THEMIS: variants seen among roughly 807,000 people sequenced by gnomAD.
The protein encoded by THEMIS is protein THEMIS.
In THEMIS, 37 loss-of-function variants were observed where a neutral mutation model predicts 52.6. The observed-to-expected ratio is 0.70, with a 90% confidence interval of 0.54 to 0.93. The LOEUF (loss-of-function observed/expected upper bound fraction) is 0.93. THEMIS is among the 40% of genes least tolerant of loss of function. The pLI is 0.00. For missense variants in THEMIS, 808 were observed against 763.1 expected, an observed-to-expected ratio of 1.06 and a Z score of -0.69; for synonymous variants, 292 against 272.7, an observed-to-expected ratio of 1.07 and a Z score of -0.70.
At chr6:127,868,027 T>C (rs1247964062) in intron 1 of THEMIS, among the ~76,000 whole-genome samples, 1 of 152,046 alleles carries the variant, frequency 6.6e-6, no homozygotes, top group Non-Finnish European at 1.5e-5. Flanking sequence ...CAAGTTCAAA[T>C]CCAGAATCTC....
At chr6:127,846,744 T>C (rs1235588366) in intron 2 of THEMIS, among the ~76,000 whole-genome samples, 1 of 151,740 alleles carries the variant, frequency 6.6e-6, no homozygotes, top group African/African-American at 2.4e-5. Context: ...ACTGAAACTA[T>C]TCCAAAAAAA....
intron 5 of THEMIS, 150 bp from the exon 6 acceptor site, chr6:127,710,166 G>GAA (rs77155033): frequency 5.6e-4 from 197 of 352,222 alleles, no homozygotes; most frequent in Middle Eastern, 1.5e-3. Flanking sequence ...GCAAAATAAA[G>GAA]AAAAAAAAAA....
chr6:127,913,772 A>T (rs1353177317), intron 1 of THEMIS, among the ~76,000 whole-genome samples: 1 of 152,254 alleles, frequency 6.6e-6, no homozygotes, highest in Non-Finnish European at 1.5e-5. Context: ...AACATTTTAC[A>T]GCTCATGCAT....
rs140169528 is a variant in THEMIS, at chr6:127,915,069, G to A, written c.-150+3359C>T. On this transcript the variant is annotated intron_variant, in intron 1 of 6. Transcript: ENST00000368250. The stretch of plus-strand genomic sequence containing the variant: ...GATTGAGGTCCCATTGTAACAGTTC[G>A]TCATTGATGGATCCATTTTTGTCCT... 6.7e-4 allele frequency among the ~76,000 whole-genome samples: 102 copies of A among 152,132 alleles called. 2 individuals carry two copies. The highest frequency in any genetic ancestry group is 2.3e-3 in the African/African-American group (96 of 41,526).
chr6:127,808,956 G>A (rs1282907340), intron 4 of THEMIS, among the ~76,000 whole-genome samples: 1 of 152,086 alleles, frequency 6.6e-6, no homozygotes, highest in African/African-American at 2.4e-5. Flanking sequence ...GCTAATGCAG[G>A]GTGAATTTTA....
chr6:127,872,844 AAC>A (rs1213487091), intron 1 of THEMIS, among the ~76,000 whole-genome samples: 2 of 152,154 alleles, frequency 1.3e-5, no homozygotes, highest in Non-Finnish European at 2.9e-5. Flanking sequence ...GAAAAAATAA[AAC>A]AGTCCCTGTT....
intron 2 of THEMIS, among the ~76,000 whole-genome samples, chr6:127,835,776 A>C (rs976131909): frequency 2.6e-5 from 4 of 152,092 alleles, no homozygotes; most frequent in African/African-American, 9.7e-5. Context: ...ATTTCCACAG[A>C]TTTCACCAGC....
Position 127,709,875 on chromosome 6 carries a change from A to C in THEMIS, c.*110T>G. ...TTCTTTCCTTTGCAGCGATGAATCA[A>C]GTTTCTTCTGGAGTCCATTGGGGAA... On this transcript the variant is annotated 3_prime_UTR_variant, in exon 6 of 6. Coordinates refer to ENST00000368248, the MANE Select transcript of THEMIS (RefSeq NM_001010923.3). 1 of 907,958 alleles carries C rather than the reference A, an allele frequency of 1.1e-6. No individual in the cohort carries two copies. The highest frequency in any genetic ancestry group is 1.7e-6 in the Non-Finnish European group (1 of 594,274). The allele number at this position is 907,958 out of a possible 1,614,324, so 56.2% of individuals were successfully genotyped here.
intron 1 of THEMIS, among the ~76,000 whole-genome samples, chr6:127,863,977 A>G (rs1400518298): frequency 2.0e-5 from 3 of 152,184 alleles, no homozygotes; most frequent in Non-Finnish European, 4.4e-5. Flanking sequence ...CCCTTCTACC[A>G]TTAAAGCCAA....
intron 4 of THEMIS, chr6:127,807,136 G>A (rs752466710): frequency 2.1e-4 from 35 of 162,910 alleles, no homozygotes; most frequent in Non-Finnish European, 3.9e-4. Flanking sequence ...GCCCAGGTGG[G>A]TGGATCACAA....
At chr6:127,772,345 T>G (rs796486273) in intron 4 of THEMIS, among the ~76,000 whole-genome samples, 11 of 152,242 alleles carry the variant, frequency 7.2e-5, no homozygotes, top group African/African-American at 2.6e-4. Flanking sequence ...TAAAATAAAT[T>G]TTGAATATTC....
At chr6:127,845,524 A>T (rs1348961196) in intron 2 of THEMIS, among the ~76,000 whole-genome samples, 2 of 151,882 alleles carry the variant, frequency 1.3e-5, no homozygotes, top group East Asian at 3.9e-4. Context: ...TGTAATCACG[A>T]AAAAATAATC....
At chr6:127,774,733 A>G (rs150875949) in intron 4 of THEMIS, among the ~76,000 whole-genome samples, 1 of 152,252 alleles carries the variant, frequency 6.6e-6, no homozygotes, top group East Asian at 1.9e-4. Flanking sequence ...AACACTTACC[A>G]ATCTGCCTAA....
chr6:127,918,278 A>T (rs1781567009), intron 1 of THEMIS: 1 of 152,200 alleles, frequency 6.6e-6, no homozygotes, highest in Non-Finnish European at 1.5e-5. Flanking sequence ...CCTGCTGGTA[A>T]CTAATATTTT....
chr6:127,829,752 C>G lies in THEMIS; in HGVS notation c.433G>C (p.Asp145His), dbSNP rs772979607. Residue 145 changes from aspartate (D) to histidine (H), a missense_variant, in exon 3 of 6, where the codon GAT (aspartate) becomes CAT (histidine). Asp to His is a moderately conservative substitution (Grantham distance 81). Transcript: ENST00000368248. ...GCACAGCTCACCATTATTTCTCCAT[C>G]AATCTCTTCAACTGAGTTGAGCATG... ...QIMLNSVEEI[D>H]GEIMVSCAVA... is the part of the protein sequence containing the mutation. 3 of 1,614,108 alleles carry G rather than the reference C, an allele frequency of 1.9e-6. No individual in the cohort carries two copies. The East Asian group carries it at 6.7e-5, about 36-fold the overall frequency.
chr6:127,858,541 G>C (rs541913443), intron 1 of THEMIS, among the ~76,000 whole-genome samples: 1 of 152,116 alleles, frequency 6.6e-6, no homozygotes, highest in East Asian at 1.9e-4. Context: ...AATATAATGT[G>C]TCTTAAAATA....
intron 1 of THEMIS, among the ~76,000 whole-genome samples, chr6:127,861,797 AAAAAAAAAGAAAAG>A (rs1779809025): frequency 2.4e-5 from 2 of 83,742 alleles, no homozygotes; most frequent in African/African-American, 4.4e-5. Flanking sequence ...AAAAAAAAAA[AAAAAAAAAGAAAAG>A]AAAGAAAAGA....
At chr6:127,711,122 C>T (rs1360778259) in intron 5 of THEMIS, among the ~76,000 whole-genome samples, 1 of 151,580 alleles carries the variant, frequency 6.6e-6, no homozygotes, top group Admixed American at 6.6e-5. Context: ...TTCTGTAACA[C>T]TAGCTGTATA....
chr6:127,752,102 G>A (rs115412006), intron 4 of THEMIS, among the ~76,000 whole-genome samples: 2,651 of 151,716 alleles, frequency 0.017, 101 homozygotes, highest in African/African-American at 0.061. Flanking sequence ...ATCAAAACGT[G>A]TCTTGGGACA....
Sources: gnomAD v4.1 joint callset for allele counts (sites outside exome capture counted in the v4.1 genomes callset) on GRCh38, gnomAD v4.1.1 for gene constraint, MANE v1.5 for transcripts, NCBI Gene and HGNC (gene_info 2026-07-23, HGNC 2026-07-21) for gene names.